Variants in RBFOX1 observed in about 807,000 individuals in gnomAD.
The protein encoded by RBFOX1 is RNA binding protein fox-1 homolog 1.
A neutral mutation model predicts 57.7 loss-of-function variants in RBFOX1; 8 were observed. That is an observed-to-expected ratio of 0.14 (90% CI 0.08 to 0.25). The LOEUF (loss-of-function observed/expected upper bound fraction) is 0.25. Ranked by LOEUF, RBFOX1 falls within the 10% of genes least tolerant of loss-of-function variation. The pLI is 1.00. For missense variants in RBFOX1, 611 were observed against 548.5 expected, an observed-to-expected ratio of 1.11 and a Z score of -1.14; for synonymous variants, 326 against 222.4, an observed-to-expected ratio of 1.47 and a Z score of -4.15.
rs866504190 is a variant in RBFOX1, at chr16:6,076,595, T to G, written c.-127+56603T>G. Among the ~76,000 whole-genome samples the G allele has an allele frequency of 1.5e-4, 23 of 152,116 alleles. 1 individual carries two copies. The highest frequency in any genetic ancestry group is 4.8e-4 in the African/African-American group (20 of 41,504). ...TGATCCTCCCACCTCTGCCTCCCAG[T>G]CTTGCCTTTTAAGAGCCTTAGGACT... On this transcript the variant is annotated intron_variant, in intron 1 of 15. Transcript: ENST00000550418.
At chr16:5,652,534 G>C (rs1243904821) in intron 3 of RBFOX1, among the ~76,000 whole-genome samples, 1 of 152,108 alleles carries the variant, frequency 6.6e-6, no homozygotes, top group East Asian at 1.9e-4. Flanking sequence ...GATTATACTA[G>C]GGTCACCTTT....
chr16:6,164,649 GT>G (rs34798258), intron 1 of RBFOX1, among the ~76,000 whole-genome samples: 2,347 of 150,182 alleles, frequency 0.016, 57 homozygotes, highest in African/African-American at 0.053. Context: ...GTTTTGTTTT[GT>G]TTTTTTTTAG....
At chr16:6,544,476 T>C (rs1263708722) in intron 2 of RBFOX1, among the ~76,000 whole-genome samples, 2 of 152,206 alleles carry the variant, frequency 1.3e-5, no homozygotes, top group African/African-American at 2.4e-5. Flanking sequence ...ATTTCCTGTT[T>C]TGTAGGATCT....
At chr16:6,004,766 TGAACCTCGGA>T (rs1472432287) in intron 4 of RBFOX1, among the ~76,000 whole-genome samples, 2 of 152,214 alleles carry the variant, frequency 1.3e-5, no homozygotes, top group African/African-American at 4.8e-5. Flanking sequence ...ATTGACTTGG[TGAACCTCGGA>T]GTACTTTTTA....
intron 1 of RBFOX1, among the ~76,000 whole-genome samples, chr16:5,333,762 C>T (rs186245837): frequency 6.6e-6 from 1 of 152,220 alleles, no homozygotes; most frequent in African/African-American, 2.4e-5. Flanking sequence ...ACTTATCACT[C>T]CTAGGCTGCA....
intron 2 of RBFOX1, among the ~76,000 whole-genome samples, chr16:6,334,752 G>C (rs2083432718): frequency 6.6e-6 from 1 of 152,164 alleles, no homozygotes; most frequent in African/African-American, 2.4e-5. Context: ...AACTCAGCCG[G>C]AAAGTGCTGA....
At chr16:6,608,320 C>G (rs1317331581) in intron 2 of RBFOX1, among the ~76,000 whole-genome samples, 3 of 152,192 alleles carry the variant, frequency 2.0e-5, no homozygotes, top group African/African-American at 4.8e-5. Context: ...AAAAGCCTAT[C>G]TTTTGAGCCA....
At chr16:6,761,896 C>G (rs1489026986) in intron 3 of RBFOX1, among the ~76,000 whole-genome samples, 1 of 152,088 alleles carries the variant, frequency 6.6e-6, no homozygotes, top group Non-Finnish European at 1.5e-5. Flanking sequence ...CTTCCTCACT[C>G]TAATCCCACA....
chr16:6,619,955 G>C (rs9889213), intron 2 of RBFOX1, among the ~76,000 whole-genome samples: 149,110 of 152,286 alleles, frequency 0.98, 73,085 homozygotes, highest in East Asian at 1. Flanking sequence ...TGAGAACAAG[G>C]AATATTTGAT....
intron 1 of RBFOX1, among the ~76,000 whole-genome samples, chr16:5,242,933 C>T (rs889255420): frequency 3.3e-5 from 5 of 150,252 alleles, no homozygotes; most frequent in East Asian, 2.0e-4. Flanking sequence ...CCCCCAGGAG[C>T]CCCTGAGTGC....
At chr16:6,069,886 C>G (rs1047700235) in intron 1 of RBFOX1, among the ~76,000 whole-genome samples, 1 of 152,030 alleles carries the variant, frequency 6.6e-6, no homozygotes, top group African/African-American at 2.4e-5. Flanking sequence ...ATTCGGGAGG[C>G]TGAGGCAGGA....
chr16:5,332,035 G>A (rs139060590), intron 1 of RBFOX1, among the ~76,000 whole-genome samples: 7 of 152,202 alleles, frequency 4.6e-5, no homozygotes, highest in African/African-American at 1.2e-4. Flanking sequence ...GTAGACTCAC[G>A]TCAGGGCCAG....
intron 2 of RBFOX1, among the ~76,000 whole-genome samples, chr16:6,620,674 T>C (rs1055392497): frequency 2.6e-5 from 4 of 152,090 alleles, no homozygotes; most frequent in African/African-American, 9.7e-5. Context: ...GGGGGAATAT[T>C]ACCCCTGGGC....
intron 4 of RBFOX1, among the ~76,000 whole-genome samples, chr16:5,896,556 A>G (rs1037796905): frequency 2.0e-5 from 3 of 152,202 alleles, no homozygotes; most frequent in East Asian, 1.9e-4. Flanking sequence ...TGCTGGTGCC[A>G]TGCTTCTTGT....
At position 6,011,373 on chromosome 16, in the gene RBFOX1, G is replaced by GT. The variant is rs553486931; in HGVS notation, c.351+144048dup. ...TGGAACTTTAGAAAATTTACAGAGTGTTTTTTTTTTATTGGCCTTTGGATC... is the reference window on the plus strand; with the variant it reads ...TGGAACTTTAGAAAATTTACAGAGTGTTTTTTTTTTTATTGGCCTTTGGATC... On this transcript the variant is annotated intron_variant, in intron 4 of 19. Transcript: ENST00000641259. 2.6e-3 allele frequency among the ~76,000 whole-genome samples: 380 copies of GT among 147,120 alleles called. 1 individual carries two copies. The highest frequency in any genetic ancestry group is 3.6e-3 in the Middle Eastern group (1 of 280).
intron 4 of RBFOX1, among the ~76,000 whole-genome samples, chr16:7,362,423 CGTTA>C (rs1385762804): frequency 6.7e-6 from 1 of 148,784 alleles, no homozygotes; most frequent in Non-Finnish European, 1.5e-5. Context: ...TGTGTGTATG[CGTTA>C]GTGTGTGTTC....
chr16:7,035,393 T>G (rs1013163452), intron 3 of RBFOX1, among the ~76,000 whole-genome samples: 14 of 152,226 alleles, frequency 9.2e-5, no homozygotes, highest in African/African-American at 3.4e-4. Flanking sequence ...GTTATACACT[T>G]AAATTAAATA....
At chr16:6,838,188 C>T (rs1742946956) in intron 3 of RBFOX1, among the ~76,000 whole-genome samples, 1 of 151,894 alleles carries the variant, frequency 6.6e-6, no homozygotes, top group Admixed American at 6.6e-5. Flanking sequence ...TGCCCCCTAG[C>T]CCCCGACAGG....
Position 5,798,331 on chromosome 16 carries a change from C to T in RBFOX1, c.319-68972C>T, listed in dbSNP as rs1046405959. Among the ~76,000 whole-genome samples, 5 of 152,288 alleles carry T rather than the reference C, an allele frequency of 3.3e-5. No homozygotes were observed. The East Asian group carries it at 7.7e-4, about 24-fold the overall frequency. Reference sequence around the variant, plus strand: ...ATACAGCTGATCTTCCAAGCAGTGTCGATTTCTCCCTATTGTGTGCTTGGC... The same window carrying T: ...ATACAGCTGATCTTCCAAGCAGTGTTGATTTCTCCCTATTGTGTGCTTGGC... On this transcript the variant is annotated intron_variant, in intron 3 of 19. Transcript: ENST00000641259.
Sources: gnomAD v4.1 joint callset for allele counts (sites outside exome capture counted in the v4.1 genomes callset) on GRCh38, gnomAD v4.1.1 for gene constraint, MANE v1.5 for transcripts, NCBI Gene and HGNC (gene_info 2026-07-23, HGNC 2026-07-21) for gene names.